GATAD2A: variants seen among roughly 807,000 people sequenced by gnomAD.
GATAD2A encodes the protein transcriptional repressor p66-alpha.
A neutral mutation model predicts 68.5 loss-of-function variants in GATAD2A; 12 were observed. The observed-to-expected ratio is 0.18, with a 90% CI of 0.11 to 0.28. The LOEUF (loss-of-function observed/expected upper bound fraction) is 0.28. Among genes scored for constraint, GATAD2A ranks in the 10% least tolerant of loss-of-function variants. GATAD2A has a pLI of 1.00. For missense variants in GATAD2A, 755 were observed against 868.5 expected, an observed-to-expected ratio of 0.87 and a Z score of 1.64; for synonymous variants, 410 against 375.3, an observed-to-expected ratio of 1.09 and a Z score of -1.07.
At chr19:19,436,284 C>A in intron 1 of GATAD2A, 2 of 848,184 alleles carry the variant, frequency 2.4e-6, no homozygotes, top group Non-Finnish European at 1.8e-6. Flanking sequence ...CTTCGGTCAG[C>A]TTCTTGGACA....
At position 19,388,057 on chromosome 19, in the gene GATAD2A, C is replaced by CTTTTTTTT. The variant is rs1568686046; in HGVS notation, c.-7+1919_-7+1920insTTTTTTTT. On this transcript the variant is annotated intron_variant, in intron 1 of 11. Coordinates refer to the GATAD2A transcript ENST00000360315. The stretch of plus-strand genomic sequence containing the variant: ...GGAGCACTCACATCAAGCTTCTCCT[C>CTTTTTTTT]CTTTTTTTTTTTTTTGGAGATGGAG... 4.6e-3 allele frequency among the ~76,000 whole-genome samples: 574 copies of CTTTTTTTT among 125,908 alleles called. 5 individuals carry two copies. Among genetic ancestry groups the CTTTTTTTT allele is most frequent in the South Asian group, 0.033 (144 of 4,398 alleles). 82.6% of individuals were successfully genotyped at this position (125,908 alleles called of 152,430 possible). A position where few individuals can be genotyped will look rare whatever the true frequency, so the allele number is the denominator to read the frequency against.
chr19:19,456,170 A>AG (rs1245494550), intron 1 of GATAD2A, among the ~76,000 whole-genome samples: 4 of 130,754 alleles, frequency 3.1e-5, no homozygotes, highest in East Asian at 3.9e-4. Flanking sequence ...AAAAAAAAAA[A>AG]AGAGAGAAAA....
At chr19:19,433,109 G>T (rs149680030) in intron 1 of GATAD2A, among the ~76,000 whole-genome samples, 4 of 152,314 alleles carry the variant, frequency 2.6e-5, no homozygotes, top group Admixed American at 2.6e-4. Flanking sequence ...GAGTGTGAAA[G>T]AAGTTACCTT....
intron 1 of GATAD2A, among the ~76,000 whole-genome samples, chr19:19,419,087 G>A (rs1423220861): frequency 6.6e-6 from 1 of 152,112 alleles, no homozygotes; most frequent in East Asian, 1.9e-4. Flanking sequence ...CAGGGAACCC[G>A]TCCCCTCCCC....
chr19:19,485,851 C>CA (rs1414803943), intron 2 of GATAD2A, among the ~76,000 whole-genome samples: 1 of 152,182 alleles, frequency 6.6e-6, no homozygotes, highest in African/African-American at 2.4e-5. Context: ...CGCTTGGACT[C>CA]AAAAAATAGG....
intron 1 of GATAD2A, chr19:19,436,148 C>T (rs2054313766): frequency 7.3e-7 from 1 of 1,365,788 alleles, no homozygotes; most frequent in African/African-American, 1.5e-5. Context: ...AGCACATTGT[C>T]TCAAGTAGCC....
Position 19,488,905 on chromosome 19 carries a change from T to C in GATAD2A, c.270-3401T>C, listed in dbSNP as rs376772292. ...TAAACTTGGTGCCCGGGACGGCTGC[T>C]GTGGAGTGAATGGCAGACGCTGTCC... On this transcript the variant is annotated intron_variant, in intron 2 of 11. Coordinates refer to ENST00000683918, the MANE Select transcript of GATAD2A (RefSeq NM_001384528.1). Among the ~76,000 whole-genome samples the C allele has an allele frequency of 2.2e-3, 334 of 152,348 alleles. 1 individual carries two copies. Among genetic ancestry groups the C allele is most frequent in the Middle Eastern group, 0.017 (5 of 294 alleles).
At chr19:19,467,692 G>C (rs1362225470) in intron 2 of GATAD2A, among the ~76,000 whole-genome samples, 2 of 152,038 alleles carry the variant, frequency 1.3e-5, no homozygotes, top group African/African-American at 4.8e-5. Context: ...ACCATCTTAT[G>C]ACCGAATCTG....
At chr19:19,444,249 G>A (rs948704276) in intron 1 of GATAD2A, among the ~76,000 whole-genome samples, 4 of 152,132 alleles carry the variant, frequency 2.6e-5, no homozygotes, top group African/African-American at 9.7e-5. Flanking sequence ...AGCAGTCGTA[G>A]CCCATCACGA....
At chr19:19,499,053 C>T (rs1013938179) in intron 8 of GATAD2A, among the ~76,000 whole-genome samples, 1 of 152,206 alleles carries the variant, frequency 6.6e-6, no homozygotes, top group Non-Finnish European at 1.5e-5. Flanking sequence ...GCTCTCAGGC[C>T]AATGTGGAGT....
intron 1 of GATAD2A, among the ~76,000 whole-genome samples, chr19:19,408,546 T>A (rs1043740934): frequency 6.6e-6 from 1 of 152,202 alleles, no homozygotes; most frequent in African/African-American, 2.4e-5. Context: ...TGTATGTTTT[T>A]AATGAGGAAA....
intron 1 of GATAD2A, among the ~76,000 whole-genome samples, chr19:19,453,504 G>C (rs1387753218): frequency 6.6e-6 from 1 of 151,988 alleles, no homozygotes; most frequent in Non-Finnish European, 1.5e-5. Context: ...TCTGTCCGCT[G>C]TGCCCCCCAC....
At chr19:19,460,845 C>G (rs1252947351) in intron 1 of GATAD2A, among the ~76,000 whole-genome samples, 3 of 152,226 alleles carry the variant, frequency 2.0e-5, no homozygotes, top group Non-Finnish European at 4.4e-5. Context: ...GATTCCTCCC[C>G]TCCGGCCTGG....
intron 2 of GATAD2A, among the ~76,000 whole-genome samples, chr19:19,469,445 A>T: frequency 6.6e-6 from 1 of 152,122 alleles, no homozygotes; most frequent in Non-Finnish European, 1.5e-5. Context: ...AAAAAAGAAA[A>T]AAAGATCATC....
chr19:19,476,980 T>G (rs1225680358), intron 2 of GATAD2A, among the ~76,000 whole-genome samples: 1 of 152,208 alleles, frequency 6.6e-6, no homozygotes, highest in African/African-American at 2.4e-5. Flanking sequence ...TCTGACAGCC[T>G]GGATCGGCCA....
At chr19:19,496,322 G>A (rs1254297030) in intron 7 of GATAD2A, 103 bp downstream of exon 7, 1 of 1,087,216 alleles carries the variant, frequency 9.2e-7, no homozygotes, top group Non-Finnish European at 1.4e-6. Flanking sequence ...CCTGGGCTGT[G>A]TGGCATGACC....
At chr19:19,494,825 A>C (rs1317360696) in intron 5 of GATAD2A, among the ~76,000 whole-genome samples, 1 of 152,160 alleles carries the variant, frequency 6.6e-6, no homozygotes, top group African/African-American at 2.4e-5. Flanking sequence ...CTAGGGGGTG[A>C]CCATGCCCAT....
intron 1 of GATAD2A, chr19:19,436,334 A>T (rs1364597416): frequency 7.8e-6 from 4 of 513,712 alleles, no homozygotes; most frequent in Non-Finnish European, 1.5e-5. Flanking sequence ...CCTAGAGAAG[A>T]TGGAGGGAGG....
At position 19,465,353 on chromosome 19, in the gene GATAD2A, A is replaced by G. The variant is rs779332053; in HGVS notation, c.8A>G (p.Glu3Gly). ...CTCCCTCCCAAGTTCAGAATGACCG[A>G]AGAAGCATGCCGAACACGGAGTCAG... MT[E>G]EACRTRSQKR... is the part of the protein sequence containing the mutation. Residue 3 changes from glutamate to glycine, a missense_variant, in exon 2 of 12, where the codon GAA (glutamate) becomes GGA (glycine). Coordinates refer to ENST00000683918, the MANE Select transcript of GATAD2A (RefSeq NM_001384528.1). The G allele has an allele frequency of 6.2e-7, 1 of 1,613,864 alleles. No individual in the cohort carries two copies. Among genetic ancestry groups the G allele is most frequent in the Non-Finnish European group, 8.5e-7 (1 of 1,179,684 alleles).
Sources: gnomAD v4.1 joint callset for allele counts (sites outside exome capture counted in the v4.1 genomes callset) on GRCh38, gnomAD v4.1.1 for gene constraint, MANE v1.5 for transcripts, NCBI Gene and HGNC (gene_info 2026-07-23, HGNC 2026-07-21) for gene names.